The following CCR3 variants were observed in gnomAD, a reference collection of about 807,000 sequenced individuals.
The protein encoded by CCR3 is C-C chemokine receptor type 3.
For synonymous variants in CCR3, 203 were observed against 179.2 expected, an observed-to-expected ratio of 1.13 and a Z score of -1.06; for missense variants, 419 against 437.5, an observed-to-expected ratio of 0.96 and a Z score of 0.38.
intron 1 of CCR3, among the ~76,000 whole-genome samples, chr3:46,242,982 C>CACAT (rs146505046): frequency 1.1e-4 from 11 of 99,316 alleles, no homozygotes; most frequent in South Asian, 3.2e-4. Flanking sequence ...TATATATACA[C>CACAT]ATATATATAT....
intron 2 of CCR3, among the ~76,000 whole-genome samples, chr3:46,234,520 T>C (rs1051617569): frequency 3.9e-5 from 6 of 152,178 alleles, no homozygotes; most frequent in Admixed American, 3.9e-4. Context: ...CAAGAATTTA[T>C]GTGGTTGTGC....
chr3:46,229,002 C>T (rs781530159), intron 2 of CCR3, among the ~76,000 whole-genome samples: 12 of 152,100 alleles, frequency 7.9e-5, no homozygotes, highest in Non-Finnish European at 1.8e-4. Flanking sequence ...CTAGCTTTTC[C>T]TTTCCTGCTC....
At chr3:46,241,356 T>C (rs1274632629), upstream of CCR3, among the ~76,000 whole-genome samples, 2 of 152,160 alleles carry the variant, frequency 1.3e-5, no homozygotes, top group African/African-American at 4.8e-5. Context: ...TTAGTCAGAG[T>C]TCTTCCCACA....
At chr3:46,242,770 G>A (rs1449948345) in intron 1 of CCR3, among the ~76,000 whole-genome samples, 4 of 151,618 alleles carry the variant, frequency 2.6e-5, no homozygotes, top group Non-Finnish European at 4.4e-5. Flanking sequence ...TGATAAGTTT[G>A]CGTGTAGCAC....
intron 2 of CCR3, among the ~76,000 whole-genome samples, chr3:46,231,306 C>T (rs964804105): frequency 1.3e-5 from 2 of 152,198 alleles, no homozygotes; most frequent in Admixed American, 6.5e-5. Context: ...ATGGGCTGTG[C>T]ACCCCTCCCT....
At chr3:46,224,089 C>A (rs35481399) in intron 2 of CCR3, among the ~76,000 whole-genome samples, 24,489 of 152,022 alleles carry the variant, frequency 0.16, 3,029 homozygotes, top group African/African-American at 0.34. Context: ...CCAATGGCCT[C>A]TTGTTTTTTA....
At chr3:46,239,718 A>G (rs373517914), upstream of CCR3, among the ~76,000 whole-genome samples, 2 of 152,192 alleles carry the variant, frequency 1.3e-5, no homozygotes, top group Non-Finnish European at 2.9e-5. Context: ...ATTGCTCCTC[A>G]TTCTGGTCTA....
rs1442729558 is a variant in CCR3, at chr3:46,256,499, AT to A, written c.-11-8647del. Among the ~76,000 whole-genome samples the A allele has an allele frequency of 2.4e-4, 36 of 152,318 alleles. No homozygotes were observed. The East Asian group carries it at 2.9e-3, about 12-fold the overall frequency. On this transcript the variant is annotated intron_variant, in intron 1 of 1. Transcript: ENST00000395940. Reference sequence around the variant, plus strand: ...AATAATTTAAAAGACATTTATTTATATTCCTATAGGTGGATTTATTTTGAAA... The same window carrying A: ...AATAATTTAAAAGACATTTATTTATATCCTATAGGTGGATTTATTTTGAAA...
In CCR3 at chr3:46,266,427, C is replaced by T. The variant is rs142630496; in HGVS notation, c.*201C>T. On this transcript the variant is annotated 3_prime_UTR_variant, in exon 2 of 2. Coordinates refer to ENST00000395940, the MANE Select transcript of CCR3 (RefSeq NM_178329.3). ...TTACCACAGGCCAGGGGCTGGGCAG[C>T]GTACTCATCATCAACCCTAAAAAGC... is the stretch of plus-strand genomic sequence containing the variant. The T allele has an allele frequency of 7.6e-4, 375 of 493,012 alleles. 3 individuals are homozygous for T. The highest frequency in any genetic ancestry group is 5.1e-3 in the African/African-American group (260 of 50,924). The allele number at this position is 493,012 out of a possible 1,614,324, so 30.5% of individuals were successfully genotyped here.
At chr3:46,261,413 C>G (rs1036635230) in intron 1 of CCR3, among the ~76,000 whole-genome samples, 27 of 152,094 alleles carry the variant, frequency 1.8e-4, no homozygotes, top group Admixed American at 1.4e-3. Context: ...AAAGAATATA[C>G]GACAAAGGTG....
upstream of CCR3, among the ~76,000 whole-genome samples, chr3:46,242,072 G>C (rs1700092825): frequency 6.6e-6 from 1 of 151,598 alleles, no homozygotes; most frequent in African/African-American, 2.4e-5. Flanking sequence ...GGTGGAGGTT[G>C]CAGTGAACTG....
At chr3:46,228,602 C>T (rs774707256) in intron 2 of CCR3, among the ~76,000 whole-genome samples, 8 of 152,174 alleles carry the variant, frequency 5.3e-5, no homozygotes, top group Non-Finnish European at 1.2e-4. Flanking sequence ...ATTCAAGGCT[C>T]TCATGGAAGG....
At position 46,266,166 on chromosome 3, in the gene CCR3, G is replaced by A. The variant is rs199712992; in HGVS notation, c.1008G>A (p.Leu336=). 2 of 1,614,014 alleles carry A rather than the reference G, an allele frequency of 1.2e-6. No homozygotes were observed. The highest frequency in any genetic ancestry group is 1.7e-6 in the Non-Finnish European group (2 of 1,179,972). Residue 336 remains leucine, a synonymous_variant, in exon 2 of 2, where the codon CTG becomes CTA. Coordinates refer to ENST00000395940, the MANE Select transcript of CCR3 (RefSeq NM_178329.3). ...TCCCATTCCTTCCTAGTGAGAAGCTGGAAAGAACCAGCTCTGTCTCTCCAT... is the reference window on the plus strand; with the variant it reads ...TCCCATTCCTTCCTAGTGAGAAGCTAGAAAGAACCAGCTCTGTCTCTCCAT... ...RYIPFLPSEK[L]ERTSSVSPST...
At chr3:46,255,275 C>G (rs1306536536) in intron 1 of CCR3, among the ~76,000 whole-genome samples, 1 of 151,884 alleles carries the variant, frequency 6.6e-6, no homozygotes, top group African/African-American at 2.4e-5. Context: ...GTTTGAGTTC[C>G]TTGTAGATTC....
chr3:46,211,397 ATT>A lies in CCR3; in HGVS notation c.-68+495_-68+496del, dbSNP rs35633524. ...AAAATATGTATATATATATATATAT[ATT>A]TTTTGTAGAAATGGGTGTGTTATCA... On this transcript the variant is annotated intron_variant, in intron 2 of 3. Coordinates refer to the CCR3 transcript ENST00000357422. Among the ~76,000 whole-genome samples, 18 of 125,420 alleles carry A rather than the reference ATT, an allele frequency of 1.4e-4. No homozygotes were observed. In the South Asian group the frequency reaches 1.9e-3, roughly 13 times the overall value. The allele number at this position is 125,420 out of a possible 152,430, so 82.3% of individuals were successfully genotyped here. A position where few individuals can be genotyped will look rare whatever the true frequency, so the allele number is the denominator to read the frequency against.
intron 2 of CCR3, among the ~76,000 whole-genome samples, chr3:46,235,559 T>C (rs1448039875): frequency 6.6e-6 from 1 of 152,236 alleles, no homozygotes; most frequent in Non-Finnish European, 1.5e-5. Flanking sequence ...GAAAGAGATA[T>C]CTTTGTGGAG....
intron 1 of CCR3, among the ~76,000 whole-genome samples, chr3:46,262,618 C>A (rs1014927433): frequency 1.3e-5 from 2 of 151,962 alleles, no homozygotes; most frequent in Non-Finnish European, 2.9e-5. Flanking sequence ...CAGGTGAAAA[C>A]CATATCAGGT....
At chr3:46,264,618 C>G in intron 1 of CCR3, 2 of 571,034 alleles carry the variant, frequency 3.5e-6, no homozygotes, top group South Asian at 4.3e-5. Context: ...GGTTCAATTT[C>G]CCCATTAACT....
rs1395669344 is a variant in CCR3, at chr3:46,266,188, C to G, written c.1030C>G (p.Pro344Ala). 3 of 1,613,632 alleles carry G rather than the reference C, an allele frequency of 1.9e-6. No homozygotes were observed. The South Asian group carries it at 3.3e-5, about 18-fold the overall frequency. Reference sequence around the variant, plus strand: ...GCTGGAAAGAACCAGCTCTGTCTCTCCATCCACAGCAGAGCCGGAACTCTC... The same window carrying G: ...GCTGGAAAGAACCAGCTCTGTCTCTGCATCCACAGCAGAGCCGGAACTCTC... Reference protein sequence around the residue: ...EKLERTSSVSPSTAEPELSIV... With the variant: ...EKLERTSSVSASTAEPELSIV... Residue 344 changes from proline to alanine, a missense_variant, in exon 2 of 2, where the codon CCA becomes GCA. Physicochemically the swap from Pro to Ala is conservative, Grantham distance 27 (BLOSUM62 -1). Transcript: ENST00000395940.
Sources: allele counts gnomAD v4.1 joint callset (sites outside exome capture counted in the v4.1 genomes callset), GRCh38; gene constraint gnomAD v4.1.1; transcripts MANE v1.5; gene names NCBI Gene and HGNC (gene_info 2026-07-23, HGNC 2026-07-21).